Variants in PHACTR3 observed in about 807,000 individuals in gnomAD.
PHACTR3 encodes phosphatase and actin regulator 3.
A neutral mutation model predicts 66.8 loss-of-function variants in PHACTR3; 16 were observed. That is an observed-to-expected ratio of 0.24 (90% CI 0.16 to 0.36). The LOEUF (loss-of-function observed/expected upper bound fraction) is 0.36, where lower values mean the gene tolerates loss of function less well. Among genes scored for constraint, PHACTR3 ranks in the 10% least tolerant of loss-of-function variants. The pLI is 1.00. For synonymous variants in PHACTR3, 323 were observed against 292.1 expected (o/e 1.11, Z -1.08); for missense variants, 647 against 719.9 (o/e 0.90, Z 1.16).
intron 1 of PHACTR3, among the ~76,000 whole-genome samples, chr20:59,584,311 T>G (rs2032953795): frequency 6.6e-6 from 1 of 150,912 alleles, no homozygotes; most frequent in Non-Finnish European, 1.5e-5. Context: ...TGTGTGACTG[T>G]GTGTGTGAGG....
At chr20:59,618,170 G>A (rs912861286) in intron 1 of PHACTR3, among the ~76,000 whole-genome samples, 1 of 152,306 alleles carries the variant, frequency 6.6e-6, no homozygotes, top group East Asian at 1.9e-4. Context: ...CAGGTGGTGG[G>A]GGCAGCTTCG....
rs139246708 is a variant in PHACTR3, at chr20:59,710,012, T to G, written c.119-33095T>G. Among the ~76,000 whole-genome samples, 125 of 152,268 alleles carry G rather than the reference T, an allele frequency of 8.2e-4. 1 individual carries two copies. In the East Asian group the frequency reaches 0.021, roughly 26 times the overall value. On this transcript the variant is annotated intron_variant, in intron 1 of 12. Transcript: ENST00000371015. ...CCTGTTGTGTTCTGACATTCCTGAGTTGGCAGAGGAAAAAATCAGGTCTCA... is the reference window on the plus strand; with the variant it reads ...CCTGTTGTGTTCTGACATTCCTGAGGTGGCAGAGGAAAAAATCAGGTCTCA...
chr20:59,746,292 C>G (rs1018623064), intron 2 of PHACTR3, among the ~76,000 whole-genome samples: 1 of 152,172 alleles, frequency 6.6e-6, no homozygotes, highest in East Asian at 1.9e-4. Flanking sequence ...CCAGTCAGTC[C>G]CCCGCCCCAG....
In PHACTR3 at chr20:59,670,614, G is replaced by C. The variant is rs115734029; in HGVS notation, c.118+65482G>C. On this transcript the variant is annotated intron_variant, in intron 1 of 12. Coordinates refer to ENST00000371015, the MANE Select transcript of PHACTR3 (RefSeq NM_080672.5). ...AGGCATCTGCCGGGGGTGGGGGGGGGGGGCAGGCACTTTTACTGTTTCCAT... is the reference window on the plus strand; with the variant it reads ...AGGCATCTGCCGGGGGTGGGGGGGGCGGGCAGGCACTTTTACTGTTTCCAT... Among the ~76,000 whole-genome samples, 551 of 131,076 alleles carry C rather than the reference G, an allele frequency of 4.2e-3. 11 individuals are homozygous for C. The highest frequency in any genetic ancestry group is 0.014 in the African/African-American group (509 of 37,146). 86.0% of individuals were successfully genotyped at this position (131,076 alleles called of 152,430 possible).
At chr20:59,826,479 C>T (rs140609412) in intron 8 of PHACTR3, among the ~76,000 whole-genome samples, 187 of 152,092 alleles carry the variant, frequency 1.2e-3, no homozygotes, top group African/African-American at 3.7e-3. Flanking sequence ...CCTTCCAGTG[C>T]GCTCCCCTGC....
intron 1 of PHACTR3, among the ~76,000 whole-genome samples, chr20:59,672,101 TGGAGGCATTTTCAGTTGTCGCAGCTG>T (rs1302034906): frequency 9.9e-5 from 15 of 152,238 alleles, no homozygotes; most frequent in Non-Finnish European, 1.9e-4. Flanking sequence ...GGGCACCGTC[TGGAGGCATTTTCAGTTGTCGCAGCTG>T]GGAGGCATGG....
At chr20:59,691,939 T>G (rs987160394) in intron 1 of PHACTR3, among the ~76,000 whole-genome samples, 1 of 152,210 alleles carries the variant, frequency 6.6e-6, no homozygotes, top group African/African-American at 2.4e-5. Context: ...ATATTTAGCT[T>G]AGTGGACTGC....
intron 1 of PHACTR3, among the ~76,000 whole-genome samples, chr20:59,635,152 T>TTTC (rs1568948888): frequency 5.5e-5 from 2 of 36,450 alleles, no homozygotes; most frequent in African/African-American, 1.1e-4. Flanking sequence ...TCTTTCTTTT[T>TTTC]CTTTCTTTCT....
At chr20:59,654,298 GAACGTCTTCTTTATAGAA>G (rs1209105634) in intron 1 of PHACTR3, among the ~76,000 whole-genome samples, 4 of 152,136 alleles carry the variant, frequency 2.6e-5, no homozygotes, top group Non-Finnish European at 5.9e-5. Flanking sequence ...GCTGATGATT[GAACGTCTTCTTTATAGAA>G]AAATTTTAAT....
intron 8 of PHACTR3, 22 bp downstream of exon 8, chr20:59,806,216 C>G (rs1489279878): frequency 6.2e-7 from 1 of 1,611,262 alleles, no homozygotes; most frequent in South Asian, 1.1e-5. Context: ...CTTGCGGGCA[C>G]AGCCGGGCCT....
chr20:59,822,896 G>A (rs569255966), intron 8 of PHACTR3, among the ~76,000 whole-genome samples: 24 of 152,316 alleles, frequency 1.6e-4, no homozygotes, highest in African/African-American at 5.8e-4. Flanking sequence ...GCCACAGGGA[G>A]GAGTGCATGG....
intron 1 of PHACTR3, among the ~76,000 whole-genome samples, chr20:59,594,813 A>G (rs1229554746): frequency 6.6e-6 from 1 of 151,934 alleles, no homozygotes; most frequent in East Asian, 1.9e-4. Flanking sequence ...TTTTTTATTA[A>G]TTTTGTATCT....
intron 1 of PHACTR3, among the ~76,000 whole-genome samples, chr20:59,655,152 C>A (rs531117088): frequency 2.6e-4 from 40 of 152,146 alleles, no homozygotes; most frequent in African/African-American, 9.6e-4. Flanking sequence ...CCAAATAGTT[C>A]TAAGTGGCAT....
At chr20:59,808,575 GGAGA>G (rs2041638006) in intron 8 of PHACTR3, among the ~76,000 whole-genome samples, 1 of 152,212 alleles carries the variant, frequency 6.6e-6, no homozygotes, top group African/African-American at 2.4e-5. Flanking sequence ...TTCCCTGGAG[GGAGA>G]GACAGTGCCC....
intron 8 of PHACTR3, among the ~76,000 whole-genome samples, chr20:59,825,934 G>A (rs1176641949): frequency 6.6e-6 from 1 of 152,168 alleles, no homozygotes; most frequent in Non-Finnish European, 1.5e-5. Flanking sequence ...GACCCCTGAG[G>A]GCTGCATTGC....
chr20:59,725,050 C>T (rs1247107903), intron 1 of PHACTR3, among the ~76,000 whole-genome samples: 1 of 151,282 alleles, frequency 6.6e-6, no homozygotes, highest in Non-Finnish European at 1.5e-5. Context: ...GTGCTGTGTG[C>T]TCAGTGAGGC....
At chr20:59,659,988 A>G (rs527419254) in intron 1 of PHACTR3, among the ~76,000 whole-genome samples, 1 of 152,056 alleles carries the variant, frequency 6.6e-6, no homozygotes, top group Non-Finnish European at 1.5e-5. Context: ...TGCCCTGGAG[A>G]GGTTTCTCCC....
chr20:59,819,961 A>G (rs908791560), intron 8 of PHACTR3, among the ~76,000 whole-genome samples: 5 of 152,178 alleles, frequency 3.3e-5, no homozygotes, highest in African/African-American at 9.7e-5. Context: ...GCATTTAGCA[A>G]TTTATGATTT....
At chr20:59,606,100 G>T (rs2033659462) in intron 1 of PHACTR3, among the ~76,000 whole-genome samples, 1 of 152,084 alleles carries the variant, frequency 6.6e-6, no homozygotes. Flanking sequence ...AAGTTGCTTC[G>T]CCTGCCTTTG....
Sources: gnomAD v4.1 joint callset for allele counts (sites outside exome capture counted in the v4.1 genomes callset) on GRCh38, gnomAD v4.1.1 for gene constraint, MANE v1.5 for transcripts, NCBI Gene and HGNC (gene_info 2026-07-23, HGNC 2026-07-21) for gene names.